Variants in DPYS observed in about 807,000 individuals in gnomAD.
DPYS encodes the protein dihydropyrimidine amidohydrolase.
Under a neutral mutation model 50.3 loss-of-function variants are expected in DPYS, and 39 were observed. The ratio of observed to expected loss-of-function variants is 0.78; its 90% CI spans 0.60 to 1.01. DPYS has a LOEUF of 1.01. Among genes scored for constraint, DPYS ranks in the 50% least tolerant of loss-of-function variants. The pLI, the probability that DPYS is intolerant of heterozygous loss-of-function variation, is 0.00. For missense variants in DPYS, 659 were observed against 680.9 expected, an observed-to-expected ratio of 0.97 and a Z score of 0.36; for synonymous variants, 245 against 250.7, an observed-to-expected ratio of 0.98 and a Z score of 0.22.
At chr8:104,461,419 G>C (rs911574060) in intron 1 of DPYS, among the ~76,000 whole-genome samples, 1 of 152,164 alleles carries the variant, frequency 6.6e-6, no homozygotes, top group Non-Finnish European at 1.5e-5. Context: ...CAGTCTGAAT[G>C]AATGTATTAA....
At chr8:104,413,774 G>A (rs1276981752) in intron 7 of DPYS, among the ~76,000 whole-genome samples, 2 of 152,176 alleles carry the variant, frequency 1.3e-5, no homozygotes, top group Non-Finnish European at 2.9e-5. Flanking sequence ...GCAAAGTTCT[G>A]CATTTAATTA....
At chr8:104,436,025 G>A (rs1032693975) in intron 4 of DPYS, among the ~76,000 whole-genome samples, 2 of 152,138 alleles carry the variant, frequency 1.3e-5, no homozygotes, top group Admixed American at 1.3e-4. Flanking sequence ...GTCTGGGTCT[G>A]TCAACACTCA....
chr8:104,403,276 G>A (rs1229695891), intron 7 of DPYS, among the ~76,000 whole-genome samples: 1 of 152,140 alleles, frequency 6.6e-6, no homozygotes, highest in African/African-American at 2.4e-5. Flanking sequence ...CCCTAATCAA[G>A]CTGAACACTA....
intron 3 of DPYS, among the ~76,000 whole-genome samples, chr8:104,444,984 T>C (rs758508258): frequency 1.6e-4 from 25 of 152,128 alleles, no homozygotes; most frequent in African/African-American, 5.6e-4. Flanking sequence ...AAAGAAGACA[T>C]ACAAATGGCA....
At chr8:104,449,564 AC>A (rs1489234248) in intron 2 of DPYS, among the ~76,000 whole-genome samples, 5 of 152,234 alleles carry the variant, frequency 3.3e-5, no homozygotes, top group Admixed American at 6.5e-5. Context: ...TGAAGTCCTA[AC>A]CCCTTGTTTG....
intron 1 of DPYS, among the ~76,000 whole-genome samples, chr8:104,463,822 A>T (rs1250623677): frequency 6.6e-6 from 1 of 152,218 alleles, no homozygotes; most frequent in Admixed American, 6.5e-5. Context: ...TGCTTTGGGG[A>T]TTATTGCAAA....
chr8:104,463,051 G>A (rs183093462), intron 1 of DPYS, among the ~76,000 whole-genome samples: 1 of 152,224 alleles, frequency 6.6e-6, no homozygotes, highest in East Asian at 1.9e-4. Context: ...TCTAGTGATC[G>A]ATAAATAGAG....
chr8:104,391,048 C>T (rs1210877574), intron 8 of DPYS, among the ~76,000 whole-genome samples: 2 of 152,110 alleles, frequency 1.3e-5, no homozygotes, highest in African/African-American at 4.8e-5. Context: ...CTTAAACCAC[C>T]TATTTTGACT....
intron 7 of DPYS, among the ~76,000 whole-genome samples, chr8:104,398,409 A>G (rs73699423): frequency 0.064 from 9,745 of 152,330 alleles, 375 homozygotes; most frequent in African/African-American, 0.094. Context: ...CTGGGGCATC[A>G]GTCCTGGCTG....
intron 7 of DPYS, among the ~76,000 whole-genome samples, chr8:104,400,125 C>T (rs1811745962): frequency 6.6e-6 from 1 of 152,090 alleles, no homozygotes; most frequent in Non-Finnish European, 1.5e-5. Context: ...CAAGCTGGAG[C>T]AGGGACTGTG....
intron 7 of DPYS, among the ~76,000 whole-genome samples, chr8:104,395,528 C>G (rs1447240149): frequency 6.6e-6 from 1 of 152,196 alleles, no homozygotes; most frequent in East Asian, 1.9e-4. Flanking sequence ...ATAGTTTTCT[C>G]TTTTCAAGAC....
At chr8:104,459,374 G>C (rs1181543143) in intron 1 of DPYS, among the ~76,000 whole-genome samples, 1 of 152,198 alleles carries the variant, frequency 6.6e-6, no homozygotes, top group Admixed American at 6.5e-5. Context: ...AGTCCAGACA[G>C]ATTAGAGACC....
chr8:104,437,729 T>C (rs989681064), intron 4 of DPYS, among the ~76,000 whole-genome samples: 2 of 152,224 alleles, frequency 1.3e-5, no homozygotes, highest in African/African-American at 4.8e-5. Flanking sequence ...AAAGTTGCTT[T>C]CACTGTACTT....
chr8:104,404,550 T>C (rs1455813717), intron 7 of DPYS, among the ~76,000 whole-genome samples: 4 of 152,250 alleles, frequency 2.6e-5, no homozygotes, highest in East Asian at 1.9e-4. Flanking sequence ...CTTCACTGTC[T>C]GAAGACTGTG....
intron 1 of DPYS, among the ~76,000 whole-genome samples, 191 bp downstream of exon 1, chr8:104,466,466 G>A (rs1251751414): frequency 6.6e-6 from 1 of 152,152 alleles, no homozygotes; most frequent in Non-Finnish European, 1.5e-5. Flanking sequence ...GAGAAGGGGC[G>A]CCTGAAAGGG....
intron 5 of DPYS, 90 bp from the exon 6 acceptor site, chr8:104,428,211 C>G (rs1812804657): frequency 1.3e-6 from 2 of 1,558,388 alleles, no homozygotes; most frequent in South Asian, 2.2e-5. Context: ...CTCCTGGCTC[C>G]CTTCTCAATT....
chr8:104,446,361 A>G (rs1245454496), intron 3 of DPYS, among the ~76,000 whole-genome samples: 1 of 152,248 alleles, frequency 6.6e-6, no homozygotes, highest in East Asian at 1.9e-4. Context: ...CAGACAAACA[A>G]AATAAAAATA....
intron 8 of DPYS, among the ~76,000 whole-genome samples, chr8:104,386,525 T>G (rs1028887060): frequency 2.1e-5 from 3 of 145,980 alleles, no homozygotes; most frequent in Admixed American, 2.0e-4. Context: ...TGAGTGAGAC[T>G]CTTAAAAAAA....
chr8:104,382,494 C>T (rs1415046611), intron 8 of DPYS, among the ~76,000 whole-genome samples: 2 of 152,112 alleles, frequency 1.3e-5, no homozygotes, highest in Middle Eastern at 6.8e-3. Flanking sequence ...CTCACTAATA[C>T]CCCACTCTCT....
Sources: allele counts gnomAD v4.1 joint callset (sites outside exome capture counted in the v4.1 genomes callset), GRCh38; gene constraint gnomAD v4.1.1; transcripts MANE v1.5; gene names NCBI Gene and HGNC (gene_info 2026-07-23, HGNC 2026-07-21).